The following NTRK3 variants were observed in gnomAD, a reference collection of about 807,000 sequenced individuals.
NTRK3 encodes the protein neurotrophic receptor tyrosine kinase 3.
Under a neutral mutation model 91.7 loss-of-function variants are expected in NTRK3, and 24 were observed. The ratio of observed to expected loss-of-function variants is 0.26; its 90% CI spans 0.19 to 0.37. The LOEUF is 0.37. NTRK3 is among the 10% of genes least tolerant of loss of function. The pLI, the probability that NTRK3 is intolerant of heterozygous loss-of-function variation, is 1.00. For missense variants in NTRK3, 880 were observed against 1,068.9 expected (o/e 0.82, Z 2.46); for synonymous variants, 483 against 404.0 (o/e 1.20, Z -2.34).
intron 14 of NTRK3, among the ~76,000 whole-genome samples, chr15:87,988,168 G>A (rs2074993590): frequency 6.6e-6 from 1 of 152,344 alleles, no homozygotes; most frequent in Admixed American, 6.5e-5. Context: ...CTCTTTAAGT[G>A]AAGTGATGAG....
chr15:88,104,815 G>T (rs1167680700), intron 13 of NTRK3, among the ~76,000 whole-genome samples: 3 of 152,182 alleles, frequency 2.0e-5, no homozygotes, highest in Admixed American at 1.3e-4. Flanking sequence ...AGAACAGAGG[G>T]GACAAGTTAT....
exon 9 of NTRK3, chr15:88,135,983 T>C (rs757402384): frequency 1.9e-6 from 3 of 1,614,112 alleles, no homozygotes; most frequent in Non-Finnish European, 2.5e-6. Flanking sequence ...TTGTCCTCAC[T>C]CGTCACATTC....
At chr15:87,910,519 T>C (rs2067026018) in intron 17 of NTRK3, among the ~76,000 whole-genome samples, 1 of 152,192 alleles carries the variant, frequency 6.6e-6, no homozygotes, top group African/African-American at 2.4e-5. Flanking sequence ...CAGTCTCCAG[T>C]GAACTCTCCA....
At chr15:87,916,536 G>A in intron 17 of NTRK3, 1 of 702,216 alleles carries the variant, frequency 1.4e-6, no homozygotes. Context: ...TTTTTCCCCA[G>A]TATCAGTCCT....
chr15:88,217,962 GT>G (rs1318973100), intron 3 of NTRK3, among the ~76,000 whole-genome samples: 2 of 151,940 alleles, frequency 1.3e-5, no homozygotes, highest in Non-Finnish European at 2.9e-5. Flanking sequence ...GGGTTTCACC[GT>G]TTTAGCACAA....
chr15:88,137,692 A>G, intron 6 of NTRK3, 131 bp from the exon 7 acceptor site: 2 of 877,268 alleles, frequency 2.3e-6, no homozygotes, highest in Non-Finnish European at 1.8e-6. Context: ...CAAGGTTACA[A>G]AAGAAGTGGA....
intron 3 of NTRK3, among the ~76,000 whole-genome samples, chr15:88,236,549 A>T (rs992810700): frequency 6.7e-6 from 1 of 150,374 alleles, no homozygotes; most frequent in African/African-American, 2.4e-5. Flanking sequence ...ATTGTAAAAA[A>T]GAAAAGAGAA....
exon 19 of NTRK3, chr15:87,876,554 C>T (rs2064955872): frequency 4.5e-6 from 1 of 224,580 alleles, no homozygotes; most frequent in Admixed American, 5.8e-5. Flanking sequence ...GCATTAGAAG[C>T]ATGGGCCACA....
intron 3 of NTRK3, among the ~76,000 whole-genome samples, chr15:88,213,909 G>T (rs748911741): frequency 3.6e-4 from 55 of 151,962 alleles, no homozygotes; most frequent in Admixed American, 4.6e-4. Context: ...GTGAAACCCC[G>T]TCTCTACTAA....
At chr15:88,072,913 G>A in intron 13 of NTRK3, 1 of 229,930 alleles carries the variant, frequency 4.3e-6, no homozygotes, top group East Asian at 6.2e-5. Flanking sequence ...CTCACCTTCA[G>A]AGGAGAGAAA....
At chr15:88,078,658 AAACAAC>A (rs997431554) in intron 13 of NTRK3, among the ~76,000 whole-genome samples, 4 of 152,142 alleles carry the variant, frequency 2.6e-5, no homozygotes, top group Admixed American at 1.3e-4. Flanking sequence ...TCAAAGTTAA[AAACAAC>A]AACAACAACA....
At chr15:88,193,873 C>G (rs892036782) in intron 3 of NTRK3, among the ~76,000 whole-genome samples, 1 of 152,146 alleles carries the variant, frequency 6.6e-6, no homozygotes, top group Admixed American at 6.5e-5. Context: ...CTCCAGCTAC[C>G]AACTCATGTG....
In NTRK3 at chr15:87,876,439, C is replaced by T. The variant is rs1456811042; in HGVS notation, c.*496G>A. On this transcript the variant is annotated 3_prime_UTR_variant, in exon 19 of 19. Transcript: ENST00000394480. ...TGGTGAGCTTCCGGGGTAACAGACA[C>T]ACACAGCAGCGACTGAGCACCACCT... The T allele has an allele frequency of 1.3e-5, 3 of 228,734 alleles. No homozygotes were observed. In the East Asian group the frequency reaches 1.9e-4, roughly 14 times the overall value. The allele number at this position is 228,734 out of a possible 1,614,324, so 14.2% of individuals were successfully genotyped here.
intron 17 of NTRK3, among the ~76,000 whole-genome samples, chr15:87,912,621 G>GCTCTCTCT (rs112477797): frequency 2.0e-5 from 3 of 148,928 alleles, no homozygotes; most frequent in Non-Finnish European, 3.0e-5. Flanking sequence ...AGGGACATCT[G>GCTCTCTCT]CTCTCTCTCT....
chr15:87,874,523 A>G (rs2064899870), exon 19 of NTRK3: 1 of 232,890 alleles, frequency 4.3e-6, no homozygotes, highest in Non-Finnish European at 8.5e-6. Flanking sequence ...CCCATCTCCA[A>G]CCCAGTTCTT....
At chr15:87,912,456 T>C (rs745884326) in intron 17 of NTRK3, among the ~76,000 whole-genome samples, 3 of 152,296 alleles carry the variant, frequency 2.0e-5, no homozygotes, top group Non-Finnish European at 4.4e-5. Context: ...CTAATCTCTC[T>C]GAGCTTTAAT....
chr15:88,192,459 C>G (rs1206862408), intron 3 of NTRK3, among the ~76,000 whole-genome samples: 1 of 152,150 alleles, frequency 6.6e-6, no homozygotes, highest in Non-Finnish European at 1.5e-5. Context: ...CGGTAACCAC[C>G]ACCTATTCTA....
chr15:87,975,322 G>A (rs1429900932), intron 14 of NTRK3, among the ~76,000 whole-genome samples: 1 of 152,146 alleles, frequency 6.6e-6, no homozygotes, highest in Non-Finnish European at 1.5e-5. Flanking sequence ...CTGAGCTTCA[G>A]AACCAGCACC....
intron 14 of NTRK3, among the ~76,000 whole-genome samples, chr15:87,997,218 A>G (rs2141576101): frequency 6.6e-6 from 1 of 152,334 alleles, no homozygotes; most frequent in Non-Finnish European, 1.5e-5. Flanking sequence ...GGTGAAGCAT[A>G]CAGTGCTTCA....
Sources: gnomAD v4.1 joint callset for allele counts (sites outside exome capture counted in the v4.1 genomes callset) on GRCh38, gnomAD v4.1.1 for gene constraint, MANE v1.5 for transcripts, NCBI Gene and HGNC (gene_info 2026-07-23, HGNC 2026-07-21) for gene names.